Variants in RAB37 observed in about 807,000 individuals in gnomAD.
RAB37 encodes the protein ras-related protein Rab-37.
In RAB37, 29 loss-of-function variants were observed where a neutral mutation model predicts 33.1. The ratio of observed to expected loss-of-function variants is 0.88; its 90% CI spans 0.65 to 1.20. The LOEUF is 1.20. RAB37 is among the 50% of genes most tolerant of loss of function. The pLI is 0.00. For synonymous variants in RAB37, 128 were observed against 119.5 expected, an observed-to-expected ratio of 1.07 and a Z score of -0.47; for missense variants, 299 against 301.1, an observed-to-expected ratio of 0.99 and a Z score of 0.05.
chr17:74,706,280 A>T (rs34074270), intron 1 of RAB37, among the ~76,000 whole-genome samples: 3,594 of 148,744 alleles, frequency 0.024, 77 homozygotes, highest in Admixed American at 0.066. Context: ...AAGGAAAAAA[A>T]AAATATATAT....
chr17:74,724,585 G>A (rs1027687465), intron 1 of RAB37, among the ~76,000 whole-genome samples: 1 of 152,240 alleles, frequency 6.6e-6, no homozygotes, highest in Non-Finnish European at 1.5e-5. Flanking sequence ...CAGGCAGGCT[G>A]AATCCGAAAA....
intron 1 of RAB37, among the ~76,000 whole-genome samples, chr17:74,723,292 A>G (rs1176956625): frequency 2.0e-5 from 3 of 152,144 alleles, no homozygotes; most frequent in Non-Finnish European, 4.4e-5. Context: ...ACCAAACACA[A>G]TGCTCAAACG....
chr17:74,735,022 A>AAGG (rs1555594260), upstream of RAB37, among the ~76,000 whole-genome samples: 994 of 24,706 alleles, frequency 0.04, 21 homozygotes, highest in African/African-American at 0.1. Flanking sequence ...AGGAAGGAAG[A>AAGG]AAGAAAGAAA....
upstream of RAB37, chr17:74,736,485 A>C: frequency 7.2e-7 from 1 of 1,388,960 alleles, no homozygotes. Context: ...CTACGACTTC[A>C]TGAATTTATT....
At chr17:74,731,961 T>C (rs2034389288) in intron 2 of RAB37, among the ~76,000 whole-genome samples, 1 of 151,406 alleles carries the variant, frequency 6.6e-6, no homozygotes, top group Non-Finnish European at 1.5e-5. Flanking sequence ...GGCGAGCCAA[T>C]ATCATGCCAT....
chr17:74,726,002 C>T (rs192377868), intron 1 of RAB37, among the ~76,000 whole-genome samples: 8 of 151,882 alleles, frequency 5.3e-5, no homozygotes, highest in East Asian at 3.9e-4. Flanking sequence ...TTTGGGAGGC[C>T]GAGGCAGGTG....
At chr17:74,677,169 TTAAAAAA>T (rs1293356579) in intron 1 of RAB37, among the ~76,000 whole-genome samples, 1 of 151,850 alleles carries the variant, frequency 6.6e-6, no homozygotes, top group Non-Finnish European at 1.5e-5. Context: ...AAAATTAAAA[TTAAAAAA>T]TAAAAAATAA....
chr17:74,731,082 G>C (rs2034378425), intron 2 of RAB37, among the ~76,000 whole-genome samples: 1 of 152,224 alleles, frequency 6.6e-6, no homozygotes, highest in African/African-American at 2.4e-5. Context: ...GTGAGGACCT[G>C]AGCCCCTGGC....
rs745721098 is a variant in RAB37 at position 74,744,662 on chromosome 17, A to T, written c.433-211A>T. The T allele has an allele frequency of 5.1e-5, 33 of 642,856 alleles. No homozygotes were observed. The highest frequency in any genetic ancestry group is 7.9e-5 in the Non-Finnish European group (29 of 365,930). 39.8% of individuals were successfully genotyped at this position (642,856 alleles called of 1,614,324 possible). The stretch of plus-strand genomic sequence containing the variant: ...CTAAGAGTGCAAAGGGTTAGCCCCA[A>T]CTGCTGTCCTATTCCAAGACCCTTT... On this transcript the variant is annotated intron_variant, in intron 6 of 8. Transcript: ENST00000392613. This position sits in a 1 kb window ranked among gnomAD's most constrained non-coding sequence, Gnocchi z 4.2.
chr17:74,677,388 G>C (rs2031857129), intron 1 of RAB37: 1 of 151,746 alleles, frequency 6.6e-6, no homozygotes, highest in African/African-American at 2.4e-5. Flanking sequence ...TATCCCACAG[G>C]TGCTTCTTTT....
intron 1 of RAB37, among the ~76,000 whole-genome samples, chr17:74,725,571 A>C (rs1337659106): frequency 6.6e-6 from 1 of 152,044 alleles, no homozygotes; most frequent in Admixed American, 6.5e-5. Context: ...TAAATAGACC[A>C]GCGCTGAGCT....
chr17:74,704,874 T>C, intron 1 of RAB37: 3 of 1,383,164 alleles, frequency 2.2e-6, no homozygotes, highest in Non-Finnish European at 3.0e-6. Flanking sequence ...GGCCACAGCT[T>C]TCTGTTTAGG....
At chr17:74,704,758 G>T (rs1256838363) in intron 1 of RAB37, 1 of 1,614,154 alleles carries the variant, frequency 6.2e-7, no homozygotes, top group Admixed American at 1.7e-5. Context: ...CGGTCAAGGA[G>T]CCCCGCTCCA....
rs563535092 is a variant in RAB37, at chr17:74,723,914, AG to A, written c.73-5340del. Among the ~76,000 whole-genome samples the A allele has an allele frequency of 1.0e-3, 158 of 152,244 alleles. 1 individual carries two copies. The highest frequency in any genetic ancestry group is 1.6e-3 in the Admixed American group (25 of 15,280). ...ATGCGAAGAGAAACACAAAGAGGGA[AG>A]GCATGGTGACAAATCTGGACCCAAA... On this transcript the variant is annotated intron_variant, in intron 1 of 7. Transcript: ENST00000340415.
Position 74,729,272 on chromosome 17 carries a change from A to T in RAB37, c.89A>T (p.Asp30Val). ...CCCTTCCAGACCATCCTGGTGGGTGACAGTGGTGTGGGAAAGACGTCTCTG... is the reference window on the plus strand; with the variant it reads ...CCCTTCCAGACCATCCTGGTGGGTGTCAGTGGTGTGGGAAAGACGTCTCTG... Residue 30 changes from aspartate (D) to valine (V), a missense_variant, in exon 2 of 8, where the codon GAC becomes GTC. Transcript: ENST00000340415. This position sits in a 1 kb window ranked among gnomAD's most constrained non-coding sequence, Gnocchi z 4.2. The T allele has an allele frequency of 6.2e-7, 1 of 1,613,866 alleles. No homozygotes were observed. Among genetic ancestry groups the T allele is most frequent in the Non-Finnish European group, 8.5e-7 (1 of 1,179,844 alleles).
At chr17:74,712,476 C>T (rs1014958122) in intron 1 of RAB37, among the ~76,000 whole-genome samples, 7 of 152,216 alleles carry the variant, frequency 4.6e-5, no homozygotes, top group African/African-American at 1.2e-4. Context: ...AACACCTCCA[C>T]GCAGGTGACA....
intron 1 of RAB37, among the ~76,000 whole-genome samples, chr17:74,678,129 C>T (rs2031879770): frequency 6.6e-6 from 1 of 152,180 alleles, no homozygotes; most frequent in South Asian, 2.1e-4. Context: ...CTCCTCTTCT[C>T]AGGCAAGAGA....
At chr17:74,682,906 A>G (rs974785080) in intron 1 of RAB37, among the ~76,000 whole-genome samples, 1 of 152,110 alleles carries the variant, frequency 6.6e-6, no homozygotes, top group Non-Finnish European at 1.5e-5. Flanking sequence ...CTCCGTCTCA[A>G]AAAAAAAGAG....
rs2034368392 is a variant in RAB37 at position 74,730,253 on chromosome 17, A to G, written c.183+887A>G. Among the ~76,000 whole-genome samples the G allele has an allele frequency of 6.6e-6, 1 of 152,168 alleles. No individual in the cohort carries two copies. Among genetic ancestry groups the G allele is most frequent in the South Asian group, 2.1e-4 (1 of 4,830 alleles). On this transcript the variant is annotated intron_variant, in intron 2 of 7. Transcript: ENST00000340415. The surrounding 1 kb of genome is among the most constrained non-coding windows in gnomAD (Gnocchi z 4.4). ...GGGAAGAGCAAACATCTCTTCTTGG[A>G]CAACGCGGATGTTTGGGAACCTCTG...
Sources: allele counts gnomAD v4.1 joint callset (sites outside exome capture counted in the v4.1 genomes callset), GRCh38; gene constraint gnomAD v4.1.1; non-coding constraint Gnocchi (gnomAD v3.1); transcripts MANE v1.5; gene names NCBI Gene and HGNC (gene_info 2026-07-23, HGNC 2026-07-21).